ARHGAP29: variants seen among roughly 807,000 people sequenced by gnomAD.
ARHGAP29 encodes the protein rho GTPase-activating protein 29.
In ARHGAP29, 43 loss-of-function variants were observed where a neutral mutation model predicts 122.6. That is an observed-to-expected ratio of 0.35 (90% CI 0.27 to 0.45). The LOEUF is 0.45. ARHGAP29 is among the 20% of genes least tolerant of loss of function. The pLI is 1.00. For missense variants in ARHGAP29, 1,303 were observed against 1,477.2 expected (o/e 0.88, Z 1.93); for synonymous variants, 506 against 497.1 (o/e 1.02, Z -0.24).
chr1:94,263,326 AAAAC>A (rs1245306104), intron 1 of ARHGAP29, among the ~76,000 whole-genome samples: 1 of 152,110 alleles, frequency 6.6e-6, no homozygotes, highest in Non-Finnish European at 1.5e-5. Context: ...AATAATCTGT[AAAAC>A]AAACCCCTGT....
At position 94,178,008 on chromosome 1, in the gene ARHGAP29, A is replaced by C. The variant is rs753176041; in HGVS notation, c.2640T>G (p.Thr880=). 1 of 1,614,194 alleles carries C rather than the reference A, an allele frequency of 6.2e-7. No homozygotes were observed. The highest frequency in any genetic ancestry group is 1.1e-5 in the South Asian group (1 of 91,088). The change falls in exon 21 of 23, where the codon ACT becomes ACG. Residue 880 remains threonine, a synonymous_variant. Coordinates refer to ENST00000260526, the MANE Select transcript of ARHGAP29 (RefSeq NM_004815.4). ...ACCCATCGAAGATCTTCTGTGAGTAAGTAATGAGAAACTCTACCAAGCGTG... is the reference window on the plus strand; with the variant it reads ...ACCCATCGAAGATCTTCTGTGAGTACGTAATGAGAAACTCTACCAAGCGTG... ...NQARLVEFLI[T]YSQKIFDGSL... is the part of the protein sequence containing the mutation.
At chr1:94,284,506 AT>A in the ARHGAP29 span, among the ~76,000 whole-genome samples, 1 of 152,224 alleles carries the variant, frequency 6.6e-6, no homozygotes, top group Non-Finnish European at 1.5e-5. Context: ...ACTTTGGCCA[AT>A]GAAATGTGAG....
At chr1:94,195,254 C>A (rs946818056) in intron 12 of ARHGAP29, 4 of 152,092 alleles carry the variant, frequency 2.6e-5, no homozygotes, top group African/African-American at 7.2e-5. Flanking sequence ...GGGAAAAAAA[C>A]CATTCTGGTG....
At chr1:94,287,995 T>C in the ARHGAP29 span, among the ~76,000 whole-genome samples, 1 of 152,204 alleles carries the variant, frequency 6.6e-6, no homozygotes, top group Non-Finnish European at 1.5e-5. Flanking sequence ...TAGCAAGATT[T>C]ATAATCCTTT....
At chr1:94,283,330 A>G in the ARHGAP29 span, among the ~76,000 whole-genome samples, 1 of 152,148 alleles carries the variant, frequency 6.6e-6, no homozygotes, top group Non-Finnish European at 1.5e-5. Flanking sequence ...CCATGCACAC[A>G]TGGCTCACAG....
At chr1:94,306,598 T>C in the ARHGAP29 span, among the ~76,000 whole-genome samples, 14 of 152,316 alleles carry the variant, frequency 9.2e-5, no homozygotes, top group African/African-American at 3.4e-4. Context: ...CTTTACAGTA[T>C]TAAAAATAAA....
chr1:94,284,914 C>A, the ARHGAP29 span, among the ~76,000 whole-genome samples: 1 of 152,212 alleles, frequency 6.6e-6, no homozygotes, highest in Non-Finnish European at 1.5e-5. Flanking sequence ...CAGCATTGAA[C>A]ACAATACTTC....
At chr1:94,313,305 C>T in the ARHGAP29 span, among the ~76,000 whole-genome samples, 4 of 152,196 alleles carry the variant, frequency 2.6e-5, no homozygotes, top group South Asian at 4.1e-4. Context: ...ATGGCATCAT[C>T]TCAGAGAAAA....
rs980389644 is a variant in ARHGAP29, at chr1:94,170,090, T to C, written c.*3779A>G. Among the ~76,000 whole-genome samples, 4 of 152,246 alleles carry C rather than the reference T, an allele frequency of 2.6e-5. No homozygotes were observed. Among genetic ancestry groups the C allele is most frequent in the African/African-American group, 4.8e-5 (2 of 41,466 alleles). On this transcript the variant is annotated 3_prime_UTR_variant, in exon 23 of 23. Transcript: ENST00000260526. ...GTTCAGTCAAGAATTGTCAATAGAC[T>C]AGCCCGTGACAATTCGATGAGAAAC...
intron 1 of ARHGAP29, among the ~76,000 whole-genome samples, chr1:94,234,836 C>T (rs1350776949): frequency 6.6e-6 from 1 of 152,250 alleles, no homozygotes; most frequent in South Asian, 2.1e-4. Flanking sequence ...GTTATGACAG[C>T]TTTTAAACTT....
intron 2 of ARHGAP29, among the ~76,000 whole-genome samples, chr1:94,230,753 T>C (rs1652876612): frequency 6.6e-6 from 1 of 151,822 alleles, no homozygotes; most frequent in Non-Finnish European, 1.5e-5. Flanking sequence ...TAACTATTTA[T>C]TATCCTTGCC....
chr1:94,199,328 A>T (rs1217322369), intron 12 of ARHGAP29, among the ~76,000 whole-genome samples: 1 of 152,218 alleles, frequency 6.6e-6, no homozygotes, highest in East Asian at 1.9e-4. Context: ...TTTTACCAAG[A>T]TGCAGAGGCA....
intron 22 of ARHGAP29, chr1:94,176,766 C>T (rs1191522690): frequency 2.0e-5 from 3 of 152,190 alleles, no homozygotes. Context: ...CACCACCACA[C>T]CTGGCTAATT....
At chr1:94,294,278 A>C in the ARHGAP29 span, among the ~76,000 whole-genome samples, 1 of 151,836 alleles carries the variant, frequency 6.6e-6, no homozygotes, top group Non-Finnish European at 1.5e-5. Flanking sequence ...ACACACACAC[A>C]CACACGCGCA....
chr1:94,187,592 T>C (rs1649885333), intron 15 of ARHGAP29, among the ~76,000 whole-genome samples: 1 of 152,222 alleles, frequency 6.6e-6, no homozygotes, highest in Admixed American at 6.5e-5. Flanking sequence ...ACTTCCAGTA[T>C]TTGAAGACAG....
intron 12 of ARHGAP29, among the ~76,000 whole-genome samples, chr1:94,200,637 C>T (rs1020313444): frequency 3.3e-5 from 5 of 152,124 alleles, no homozygotes; most frequent in Admixed American, 1.3e-4. Context: ...ACTGGAAACA[C>T]CGCAAATGTC....
intron 6 of ARHGAP29, 143 bp from the exon 7 acceptor site, chr1:94,205,341 G>A: frequency 1.5e-6 from 1 of 666,814 alleles, no homozygotes; most frequent in East Asian, 3.2e-5. Context: ...ACAATTAAAA[G>A]GCCAGAGTTT....
chr1:94,275,810 T>G (rs144722018), upstream of ARHGAP29, among the ~76,000 whole-genome samples: 37 of 152,304 alleles, frequency 2.4e-4, no homozygotes, highest in East Asian at 6.9e-3. Flanking sequence ...AAGTTTCCTA[T>G]TTCTTGATTA....
In ARHGAP29 at chr1:94,174,081, G is replaced by A. The variant is rs1302346358; in HGVS notation, c.3574C>T (p.Pro1192Ser). The change falls in exon 23 of 23, where the codon CCT becomes TCT. Residue 1192 changes from proline to serine, a missense_variant. By Grantham distance (74) the Pro-to-Ser change is moderately conservative. This residue lies in a region of ARHGAP29 where 620 missense variants were observed against 651.2 expected (regional missense o/e 0.95). Coordinates refer to ENST00000260526, the MANE Select transcript of ARHGAP29 (RefSeq NM_004815.4). The stretch of plus-strand genomic sequence containing the variant: ...CCGTGGGGATCGTGATCTGTGCCAG[G>A]AGGCACTGCTGCTGAGGGTGAAGCT... ...KPASPSAAVPPGTDHDPHGLV... is the reference protein window; with the variant it reads ...KPASPSAAVPSGTDHDPHGLV... 1 of 1,614,216 alleles carries A rather than the reference G, an allele frequency of 6.2e-7. No homozygotes were observed. The highest frequency in any genetic ancestry group is 1.1e-5 in the South Asian group (1 of 91,082).
Sources: allele counts gnomAD v4.1 joint callset (sites outside exome capture counted in the v4.1 genomes callset), GRCh38; gene constraint gnomAD v4.1.1; regional missense constraint gnomAD v4.1.1; transcripts MANE v1.5; gene names NCBI Gene and HGNC (gene_info 2026-07-23, HGNC 2026-07-21).